Variants in PARD3 observed in about 807,000 individuals in gnomAD.
PARD3 encodes the protein partitioning defective 3 homolog.
In PARD3, 75 loss-of-function variants were observed where a neutral mutation model predicts 155.4. That is an observed-to-expected ratio of 0.48 (90% CI 0.40 to 0.58). The LOEUF (loss-of-function observed/expected upper bound fraction) is 0.58. PARD3 is among the 20% of genes least tolerant of loss of function. The probability of loss-of-function intolerance (pLI) is 0.00; values close to 1 mark genes in which losing one functional copy is unlikely to be tolerated. For missense variants in PARD3, 1,642 were observed against 1,721.7 expected (o/e 0.95, Z 0.82); for synonymous variants, 576 against 610.5 (o/e 0.94, Z 0.83).
At chr10:34,545,698 G>T (rs1489519336) in intron 2 of PARD3, among the ~76,000 whole-genome samples, 1 of 152,092 alleles carries the variant, frequency 6.6e-6, no homozygotes, top group African/African-American at 2.4e-5. Flanking sequence ...GGGATTACAG[G>T]TACCTGCCAC....
intron 5 of PARD3, among the ~76,000 whole-genome samples, chr10:34,440,579 C>T (rs1437168950): frequency 6.6e-6 from 1 of 152,118 alleles, no homozygotes; most frequent in Non-Finnish European, 1.5e-5. Flanking sequence ...ACCATCAGCT[C>T]CTAACAGACT....
chr10:34,720,448 CAAAAAAAAAAAAA>C lies in PARD3; in HGVS notation c.121-24042_121-24030del, dbSNP rs10603866. ...CCTGGGCAACAGAGCAAGGCTCTGT[CAAAAAAAAAAAAA>C]AAAAAAAAAAAAAGCCTTGGAAATA... On this transcript the variant is annotated intron_variant, in intron 1 of 24. Coordinates refer to ENST00000374788, the MANE Select transcript of PARD3 (RefSeq NM_001184785.2). 2.2e-3 allele frequency among the ~76,000 whole-genome samples: 124 copies of C among 56,872 alleles called. 3 individuals carry two copies. Among genetic ancestry groups the C allele is most frequent in the African/African-American group, 8.2e-3 (121 of 14,680 alleles). 37.3% of individuals were successfully genotyped at this position (56,872 alleles called of 152,430 possible). A position where few individuals can be genotyped will look rare whatever the true frequency, so the allele number is the denominator to read the frequency against.
At chr10:34,145,723 A>G (rs1188087106) in intron 22 of PARD3, among the ~76,000 whole-genome samples, 1 of 151,868 alleles carries the variant, frequency 6.6e-6, no homozygotes, top group Non-Finnish European at 1.5e-5. Flanking sequence ...TCTTCTCTTA[A>G]TTTTATGTTT....
At chr10:34,523,108 C>T (rs996683119) in intron 2 of PARD3, among the ~76,000 whole-genome samples, 1 of 152,196 alleles carries the variant, frequency 6.6e-6, no homozygotes, top group Non-Finnish European at 1.5e-5. Context: ...AAGATCATCA[C>T]AGACAATTCA....
chr10:34,555,094 C>A (rs1389365781), intron 2 of PARD3, among the ~76,000 whole-genome samples: 1 of 152,152 alleles, frequency 6.6e-6, no homozygotes, highest in Admixed American at 6.5e-5. Flanking sequence ...CAAAAGTGAA[C>A]CCTCACGTCA....
At chr10:34,713,218 A>AATT (rs142652936) in intron 1 of PARD3, among the ~76,000 whole-genome samples, 4 of 151,210 alleles carry the variant, frequency 2.6e-5, no homozygotes, top group Admixed American at 6.6e-5. Flanking sequence ...TCTCAAAAAT[A>AATT]AATTAATTAA....
intron 1 of PARD3, among the ~76,000 whole-genome samples, chr10:34,794,148 G>A (rs1841991087): frequency 6.6e-6 from 1 of 152,060 alleles, no homozygotes; most frequent in Admixed American, 6.6e-5. Context: ...GATATCACAA[G>A]GGGACAAGGG....
intron 1 of PARD3, among the ~76,000 whole-genome samples, chr10:34,741,434 C>G (rs1322746585): frequency 6.6e-6 from 1 of 152,092 alleles, no homozygotes; most frequent in East Asian, 1.9e-4. Context: ...ATCCTCCTGC[C>G]TCAGCCTCCA....
rs1342551211 is a variant in PARD3 at position 34,638,972 on chromosome 10, T to C, written c.222+57346A>G. ...ATGAAATACGGCTCTATGAAGTTAT[T>C]TCAAAGATGACTTCTAACTAGGCCT... On this transcript the variant is annotated intron_variant, in intron 2 of 24. Transcript: ENST00000374788. Among the ~76,000 whole-genome samples, 3 of 152,236 alleles carry C rather than the reference T, an allele frequency of 2.0e-5. No individual in the cohort carries two copies. The South Asian group carries it at 6.2e-4, about 32-fold the overall frequency.
At chr10:34,456,947 A>C (rs2077371907) in intron 4 of PARD3, among the ~76,000 whole-genome samples, 1 of 152,182 alleles carries the variant, frequency 6.6e-6, no homozygotes, top group African/African-American at 2.4e-5. Context: ...TTCACAGTGG[A>C]ATTCTAATAT....
chr10:34,175,970 C>T (rs1370273137), intron 22 of PARD3, among the ~76,000 whole-genome samples: 1 of 152,204 alleles, frequency 6.6e-6, no homozygotes, highest in East Asian at 1.9e-4. Context: ...TGACTTCAGT[C>T]ACTCAGCATT....
At chr10:34,306,580 C>T (rs1377146518) in intron 20 of PARD3, among the ~76,000 whole-genome samples, 1 of 151,612 alleles carries the variant, frequency 6.6e-6, no homozygotes, top group African/African-American at 2.4e-5. Context: ...ACCTGGGAGG[C>T]GGAGGTTGCA....
At chr10:34,618,279 C>A (rs540786600) in intron 2 of PARD3, among the ~76,000 whole-genome samples, 16 of 152,248 alleles carry the variant, frequency 1.1e-4, no homozygotes, top group African/African-American at 3.9e-4. Flanking sequence ...CTAAGACCTC[C>A]CAATATCAGA....
At chr10:34,685,959 C>T (rs1002631396) in intron 2 of PARD3, among the ~76,000 whole-genome samples, 8 of 152,198 alleles carry the variant, frequency 5.3e-5, no homozygotes, top group Non-Finnish European at 1.2e-4. Flanking sequence ...GGAAATTAAA[C>T]ACATTTCTGG....
chr10:34,382,682 T>C lies in PARD3; in HGVS notation c.1257A>G (p.Ser419=), dbSNP rs757226188. 3 of 1,614,168 alleles carry C rather than the reference T, an allele frequency of 1.9e-6. No homozygotes were observed. Among genetic ancestry groups the C allele is most frequent in the East Asian group, 2.2e-5 (1 of 44,876 alleles). ...NHPPEQIDSH[S]RLPHSAHPSG... is the part of the protein sequence containing the mutation. ...AGGGGTGTGCGCTATGAGGTAGTCT[T>C]GAGTGAGAGTCTATCTGCTCAGGCG... The change falls in exon 9 of 25, where the codon TCA becomes TCG. Residue 419 remains serine, a synonymous_variant. Coordinates refer to ENST00000374788, the MANE Select transcript of PARD3 (RefSeq NM_001184785.2).
At chr10:34,238,111 G>C (rs1953353189) in intron 22 of PARD3, among the ~76,000 whole-genome samples, 1 of 152,146 alleles carries the variant, frequency 6.6e-6, no homozygotes. Flanking sequence ...TAAAATAAAT[G>C]CATATTCAGA....
intron 2 of PARD3, among the ~76,000 whole-genome samples, chr10:34,537,330 C>G (rs573804431): frequency 1.8e-4 from 28 of 152,104 alleles, no homozygotes; most frequent in Admixed American, 3.3e-4. Flanking sequence ...TCTTGAAGAC[C>G]TAGTCAATTC....
chr10:34,479,662 C>A (rs1204287964), intron 3 of PARD3, among the ~76,000 whole-genome samples: 4 of 152,142 alleles, frequency 2.6e-5, no homozygotes, highest in Non-Finnish European at 1.5e-5. Flanking sequence ...GCTCCCTGAA[C>A]ATGCACCACA....
chr10:34,321,746 C>G (rs944771894), intron 19 of PARD3, among the ~76,000 whole-genome samples: 2 of 152,172 alleles, frequency 1.3e-5, no homozygotes, highest in African/African-American at 4.8e-5. Flanking sequence ...TTAAGGCACT[C>G]AACTCTGAAA....
Sources: gnomAD v4.1 joint callset for allele counts (sites outside exome capture counted in the v4.1 genomes callset) on GRCh38, gnomAD v4.1.1 for gene constraint, MANE v1.5 for transcripts, NCBI Gene and HGNC (gene_info 2026-07-23, HGNC 2026-07-21) for gene names.